CYS1: variants seen among roughly 807,000 people sequenced by gnomAD.
The protein encoded by CYS1 is cystin 1.
CYS1 carries 5 observed loss-of-function variants against 9.6 expected under a neutral mutation model. The ratio of observed to expected loss-of-function variants is 0.52; its 90% CI spans 0.27 to 1.10. The LOEUF is 1.10. Ranked by LOEUF, CYS1 falls within the 50% of genes least tolerant of loss-of-function variation. The probability of loss-of-function intolerance (pLI) is 0.11; values close to 1 mark genes in which losing one functional copy is unlikely to be tolerated. For missense variants in CYS1, 221 were observed against 207.9 expected, an observed-to-expected ratio of 1.06 and a Z score of -0.39; for synonymous variants, 88 against 95.7, an observed-to-expected ratio of 0.92 and a Z score of 0.47.
chr2:10,073,929 A>C (rs60976833), intron 1 of CYS1, among the ~76,000 whole-genome samples: 3,918 of 152,344 alleles, frequency 0.026, 175 homozygotes, highest in African/African-American at 0.088. Flanking sequence ...AGCAGCCAGC[A>C]GCCAGGGACC....
At position 10,057,649 on chromosome 2, in the gene CYS1, TCTC is replaced by T. The variant is rs1661569017; in HGVS notation, c.*1201_*1203del. 2.6e-5 allele frequency: 4 copies of T among 152,726 alleles called. No individual in the cohort carries two copies. In the South Asian group the frequency reaches 8.3e-4, roughly 32 times the overall value. 9.5% of individuals were successfully genotyped at this position (152,726 alleles called of 1,614,324 possible). A position where few individuals can be genotyped will look rare whatever the true frequency, so the allele number is the denominator to read the frequency against. ...CCTCTATCTCCTTCTTTCCCTTCTG[TCTC>T]CTCCTTCCCCCTCTGTCCTGATGCC... On this transcript the variant is annotated 3_prime_UTR_variant, in exon 3 of 3. Transcript: ENST00000381813.
chr2:10,077,237 CT>C (rs1410949640), intron 1 of CYS1, among the ~76,000 whole-genome samples: 1 of 152,152 alleles, frequency 6.6e-6, no homozygotes, highest in East Asian at 1.9e-4. Context: ...ACAACCCCAG[CT>C]TCTGTGCCTG....
At chr2:10,071,284 C>G (rs1299681612) in intron 1 of CYS1, among the ~76,000 whole-genome samples, 1 of 152,182 alleles carries the variant, frequency 6.6e-6, no homozygotes, top group African/African-American at 2.4e-5. Context: ...CCTCTTAAAG[C>G]TAAGGCAGGA....
At chr2:10,072,676 A>G (rs1232945995) in intron 1 of CYS1, among the ~76,000 whole-genome samples, 1 of 152,238 alleles carries the variant, frequency 6.6e-6, no homozygotes, top group African/African-American at 2.4e-5. Flanking sequence ...CATGTACAGT[A>G]GAGAAACTCC....
intron 2 of CYS1, among the ~76,000 whole-genome samples, chr2:10,061,241 AAACC>A (rs924953150): frequency 7.3e-5 from 11 of 150,750 alleles, no homozygotes; most frequent in Admixed American, 3.3e-4. Flanking sequence ...CAAAAAAGAA[AAACC>A]AACCAACCAA....
At chr2:10,066,109 T>C (rs577154028) in intron 1 of CYS1, among the ~76,000 whole-genome samples, 153 bp from the exon 2 acceptor site, 1 of 152,330 alleles carries the variant, frequency 6.6e-6, no homozygotes, top group Admixed American at 6.5e-5. Context: ...TCAAGTTCCA[T>C]CCACTCATTG....
chr2:10,079,767 G>T, intron 1 of CYS1, 139 bp downstream of exon 1: 1 of 433,522 alleles, frequency 2.3e-6, no homozygotes, highest in Non-Finnish European at 3.2e-6. Flanking sequence ...GGGGCGGGGA[G>T]GCCGGGGCAG....
Position 10,058,840 on chromosome 2 carries a change from G to T in CYS1, c.*13C>A. 1 of 1,550,522 alleles carries T rather than the reference G, an allele frequency of 6.4e-7. No individual in the cohort carries two copies. The highest frequency in any genetic ancestry group is 1.4e-5 in the African/African-American group (1 of 73,630). On this transcript the variant is annotated 3_prime_UTR_variant, in exon 3 of 3. Transcript: ENST00000381813. ...GTGCCTCCGAGGCCTGGCGGGGGTGGAGCATGCTGTCCTCAGCGGCAGTAC... is the reference window on the plus strand; with the variant it reads ...GTGCCTCCGAGGCCTGGCGGGGGTGTAGCATGCTGTCCTCAGCGGCAGTAC...
chr2:10,061,748 T>G (rs994024293), intron 2 of CYS1, among the ~76,000 whole-genome samples: 19 of 152,170 alleles, frequency 1.2e-4, no homozygotes, highest in Non-Finnish European at 5.9e-5. Context: ...CAGGCTCCAC[T>G]GGGCTCCACA....
At chr2:10,075,369 A>G (rs1233712380) in intron 1 of CYS1, among the ~76,000 whole-genome samples, 4 of 152,174 alleles carry the variant, frequency 2.6e-5, no homozygotes, top group Non-Finnish European at 5.9e-5. Flanking sequence ...CCCCTTCCCA[A>G]CACGGTTATG....
intron 1 of CYS1, among the ~76,000 whole-genome samples, chr2:10,073,636 TTAGGGGCAG>T (rs111401717): frequency 0.13 from 19,088 of 152,126 alleles, 1,324 homozygotes; most frequent in Middle Eastern, 0.23. Flanking sequence ...CTCACGGCAT[TTAGGGGCAG>T]AAGGGCCTGT....
chr2:10,061,402 G>A (rs566863374), intron 2 of CYS1, among the ~76,000 whole-genome samples: 36 of 152,252 alleles, frequency 2.4e-4, no homozygotes, highest in African/African-American at 7.7e-4. Flanking sequence ...GGCACGGGAC[G>A]CCCAGACACC....
At chr2:10,071,116 C>T (rs1167631253) in intron 1 of CYS1, among the ~76,000 whole-genome samples, 1 of 152,232 alleles carries the variant, frequency 6.6e-6, no homozygotes, top group Non-Finnish European at 1.5e-5. Context: ...CAGGTGCCCG[C>T]CACCACGCCC....
At chr2:10,064,094 G>A (rs1017314901) in intron 2 of CYS1, among the ~76,000 whole-genome samples, 2 of 152,054 alleles carry the variant, frequency 1.3e-5, no homozygotes, top group Non-Finnish European at 2.9e-5. Context: ...AGGGTGGCTC[G>A]TGCCTGTAAT....
chr2:10,076,069 G>T lies in CYS1; in HGVS notation c.318+3837C>A, dbSNP rs1661838236. The stretch of plus-strand genomic sequence containing the variant: ...CCAGGCGTGGTGGCATGCTCCTATA[G>T]TCCCAGCTACTCGGGATGCTGAGAC... On this transcript the variant is annotated intron_variant, in intron 1 of 2. Transcript: ENST00000381813. The surrounding 1 kb of genome is among the most constrained non-coding windows in gnomAD (Gnocchi z 4.3). Among the ~76,000 whole-genome samples the T allele has an allele frequency of 6.6e-6, 1 of 152,118 alleles. No individual in the cohort carries two copies.
At chr2:10,069,635 G>A (rs1203143132) in intron 1 of CYS1, among the ~76,000 whole-genome samples, 1 of 152,048 alleles carries the variant, frequency 6.6e-6, no homozygotes, top group Non-Finnish European at 1.5e-5. Context: ...CCAAGATGCT[G>A]GGATAACAGG....
chr2:10,073,220 C>CCCCA (rs1553316581), intron 1 of CYS1, among the ~76,000 whole-genome samples: 6 of 143,256 alleles, frequency 4.2e-5, no homozygotes, highest in African/African-American at 1.6e-4. Context: ...CCCCCCCCCC[C>CCCCA]CCCCCGGCTG....
In CYS1 at chr2:10,056,567, T is replaced by A. The variant is rs145490367; in HGVS notation, c.*2286A>T. ...TGCCTCCATTCCAGCCACAGTCCCA[T>A]CCTGGCAGTGAGCAAATCCCACACG... On this transcript the variant is annotated 3_prime_UTR_variant, in exon 3 of 3. Coordinates refer to ENST00000381813, the MANE Select transcript of CYS1 (RefSeq NM_001037160.3). 4.2e-3 allele frequency among the ~76,000 whole-genome samples: 638 copies of A among 152,386 alleles called. 2 individuals are homozygous for A. Among genetic ancestry groups the A allele is most frequent in the Middle Eastern group, 0.01 (3 of 294 alleles).
chr2:10,063,202 G>A lies in CYS1; in HGVS notation c.371+2702C>T, dbSNP rs558487822. On this transcript the variant is annotated intron_variant, in intron 2 of 2. Transcript: ENST00000381813. This position sits in a 1 kb window ranked among gnomAD's most constrained non-coding sequence, Gnocchi z 4.2. ...GTGCCTGGAGCTATGAGGGCCCAGAGGCGAATCTGATTCCTTCTGTGATGA... is the reference window on the plus strand; with the variant it reads ...GTGCCTGGAGCTATGAGGGCCCAGAAGCGAATCTGATTCCTTCTGTGATGA... Among the ~76,000 whole-genome samples the A allele has an allele frequency of 3.3e-5, 5 of 152,340 alleles. No individual in the cohort carries two copies. Among genetic ancestry groups the A allele is most frequent in the African/African-American group, 1.2e-4 (5 of 41,574 alleles).
Sources: allele counts gnomAD v4.1 joint callset (sites outside exome capture counted in the v4.1 genomes callset), GRCh38; gene constraint gnomAD v4.1.1; non-coding constraint Gnocchi (gnomAD v3.1); transcripts MANE v1.5; gene names NCBI Gene and HGNC (gene_info 2026-07-23, HGNC 2026-07-21).